The following NOS1 variants were observed in gnomAD, a reference collection of about 807,000 sequenced individuals.
The protein encoded by NOS1 is NOS type I.
In NOS1, 51 loss-of-function variants were observed where a neutral mutation model predicts 164.5. The ratio of observed to expected loss-of-function variants is 0.31; its 90% confidence interval spans 0.25 to 0.39. The LOEUF (loss-of-function observed/expected upper bound fraction) is 0.39. Ranked by LOEUF, NOS1 falls within the 10% of genes least tolerant of loss-of-function variation. NOS1 has a pLI of 1.00. For missense variants in NOS1, 1,362 were observed against 1,885.6 expected (o/e 0.72, Z 5.14); for synonymous variants, 719 against 745.8 (o/e 0.96, Z 0.59).
intron 24 of NOS1, 59 bp downstream of exon 24, chr12:117,226,624 T>A: frequency 6.6e-7 from 1 of 1,515,974 alleles, no homozygotes. Flanking sequence ...CTACCCCAAC[T>A]TGTGACGTCA....
Position 117,260,622 on chromosome 12 carries a change from G to T in NOS1, c.2223-13C>A, listed in dbSNP as rs748287103. 2 of 1,604,764 alleles carry T rather than the reference G, an allele frequency of 1.2e-6. No homozygotes were observed. Among genetic ancestry groups the T allele is most frequent in the African/African-American group, 2.7e-5 (2 of 74,860 alleles). On this transcript the variant is annotated splice_polypyrimidine_tract_variant and intron_variant, in intron 13 of 28. Coordinates refer to ENST00000317775, the MANE Select transcript of NOS1 (RefSeq NM_000620.5). Reference sequence around the variant, plus strand: ...GAACTTGACAGCTCTGGAGGGAAGAGGATGGAGATGAAAAATGGGCAACAG... The same window carrying T: ...GAACTTGACAGCTCTGGAGGGAAGATGATGGAGATGAAAAATGGGCAACAG...
chr12:117,285,176 G>T, intron 7 of NOS1, 65 bp downstream of exon 7: 1 of 1,107,286 alleles, frequency 9.0e-7, no homozygotes, highest in Non-Finnish European at 1.3e-6. Context: ...TGACTCCAGA[G>T]TCAAAGTACA....
At chr12:117,358,082 C>T (rs1448105623) in intron 1 of NOS1, among the ~76,000 whole-genome samples, 2 of 152,210 alleles carry the variant, frequency 1.3e-5, no homozygotes, top group Admixed American at 1.3e-4. Flanking sequence ...GAGTGACAGG[C>T]AACACATGAA....
At chr12:117,268,886 C>T (rs976633085) in intron 10 of NOS1, among the ~76,000 whole-genome samples, 7 of 152,144 alleles carry the variant, frequency 4.6e-5, no homozygotes, top group South Asian at 4.2e-4. Flanking sequence ...CGTGAGCCAC[C>T]GCGCCCAGCC....
intron 22 of NOS1, among the ~76,000 whole-genome samples, chr12:117,228,231 T>C (rs1868873664): frequency 6.6e-6 from 1 of 152,158 alleles, no homozygotes; most frequent in African/African-American, 2.4e-5. Flanking sequence ...TATTACTGTT[T>C]CCCCATTTTA....
At chr12:117,312,082 G>A (rs1213945943) in intron 2 of NOS1, among the ~76,000 whole-genome samples, 4 of 152,038 alleles carry the variant, frequency 2.6e-5, no homozygotes, top group Non-Finnish European at 5.9e-5. Context: ...TAAGACTTTC[G>A]GCTTTGAACA....
At chr12:117,217,943 C>G (rs1200672032) in intron 28 of NOS1, 103 bp downstream of exon 28, 1 of 809,276 alleles carries the variant, frequency 1.2e-6, no homozygotes, top group Non-Finnish European at 2.1e-6. Flanking sequence ...GCTGATGCTG[C>G]TGTTTTGGGG....
At chr12:117,273,895 A>AATGCTTCAGGAT (rs149160291) in intron 9 of NOS1, among the ~76,000 whole-genome samples, 51,620 of 151,842 alleles carry the variant, frequency 0.34, 8,947 homozygotes, top group Middle Eastern at 0.4. Context: ...ACATCAGGGA[A>AATGCTTCAGGAT]ATTGGTCTGG....
chr12:117,227,987 T>G lies in NOS1; in HGVS notation c.3406-346A>C, dbSNP rs565446931. 5.9e-5 allele frequency among the ~76,000 whole-genome samples: 9 copies of G among 151,344 alleles called. No homozygotes were observed. The East Asian group carries it at 1.4e-3, about 23-fold the overall frequency. On this transcript the variant is annotated intron_variant, in intron 22 of 28. Transcript: ENST00000317775. The stretch of plus-strand genomic sequence containing the variant: ...TTGAGGCTGCCATGAGCTATGATCA[T>G]GCCACTGCACTCCAGCCTGGGTGAC...
chr12:117,294,596 A>C (rs1353043810), intron 3 of NOS1, among the ~76,000 whole-genome samples: 1 of 152,114 alleles, frequency 6.6e-6, no homozygotes, highest in African/African-American at 2.4e-5. Context: ...AAACGGGGAG[A>C]TTAATATAGC....
chr12:117,234,566 T>C lies in NOS1; in HGVS notation c.3234A>G (p.Leu1078=), dbSNP rs78399557. The part of the protein sequence containing the change: ...VELLEERNTA[L]GVISNWTDEL... Reference sequence around the variant, plus strand: ...GGGAAGGGTCCCCGGGAATGTTACCTAAAGCCGTGTTCCGCTCCTCCAGCA... The same window carrying C: ...GGGAAGGGTCCCCGGGAATGTTACCCAAAGCCGTGTTCCGCTCCTCCAGCA... The change falls in exon 21 of 29, where the codon TTA becomes TTG. Residue 1078 remains leucine, a splice_region_variant and synonymous_variant. Coordinates refer to ENST00000317775, the MANE Select transcript of NOS1 (RefSeq NM_000620.5). This position sits in a 1 kb window ranked among gnomAD's most constrained non-coding sequence, Gnocchi z 4.3. 424 of 1,612,694 alleles carry C rather than the reference T, an allele frequency of 2.6e-4. No individual in the cohort carries two copies. The Middle Eastern group carries it at 2.8e-3, about 11-fold the overall frequency.
intron 2 of NOS1, among the ~76,000 whole-genome samples, chr12:117,319,037 A>G (rs1339663982): frequency 6.6e-6 from 1 of 152,136 alleles, no homozygotes; most frequent in Non-Finnish European, 1.5e-5. Context: ...GAGGAGTGGG[A>G]AGTTCTTGTT....
chr12:117,322,306 TCTGTC>T (rs771383477), intron 2 of NOS1, among the ~76,000 whole-genome samples: 4 of 95,114 alleles, frequency 4.2e-5, no homozygotes, highest in Non-Finnish European at 6.5e-5. Context: ...CTTCCCTCCC[TCTGTC>T]CCTCCTCTTC....
chr12:117,311,703 A>C, intron 2 of NOS1, 111 bp from the exon 3 acceptor site: 1 of 1,190,102 alleles, frequency 8.4e-7, no homozygotes, highest in Non-Finnish European at 1.1e-6. Flanking sequence ...CACTCACATA[A>C]CTCCATATGA....
At chr12:117,216,882 GA>G (rs554824038) in intron 28 of NOS1, among the ~76,000 whole-genome samples, 4 of 152,158 alleles carry the variant, frequency 2.6e-5, no homozygotes, top group Non-Finnish European at 5.9e-5. Context: ...ATCGTAAGGG[GA>G]AAACAAAGAA....
In NOS1 at chr12:117,290,383, G is replaced by C; in HGVS notation, c.896C>G (p.Pro299Arg). 1 of 1,613,822 alleles carries C rather than the reference G, an allele frequency of 6.2e-7. No homozygotes were observed. The highest frequency in any genetic ancestry group is 8.5e-7 in the Non-Finnish European group (1 of 1,179,860). Reference sequence around the variant, plus strand: ...CTTGAGGAAGCGTGGACACTTGGAGGGGCTGCCATTCTTTGTGGGGGACTG... The same window carrying C: ...CTTGAGGAAGCGTGGACACTTGGAGCGGCTGCCATTCTTTGTGGGGGACTG... Reference protein sequence around the residue: ...GKQSPTKNGSPSKCPRFLKVK... With the variant: ...GKQSPTKNGSRSKCPRFLKVK... Residue 299 changes from proline to arginine, a missense_variant, in exon 4 of 29, where the codon CCC becomes CGC. By Grantham distance (103) the Pro-to-Arg change is moderately radical. Coordinates refer to ENST00000317775, the MANE Select transcript of NOS1 (RefSeq NM_000620.5).
rs1037690647 is a variant in NOS1 at position 117,331,340 on chromosome 12, C to T, written c.-271G>A. 30 of 460,994 alleles carry T rather than the reference C, an allele frequency of 6.5e-5. No homozygotes were observed. Among genetic ancestry groups the T allele is most frequent in the East Asian group, 2.9e-4 (8 of 27,550 alleles). The allele number at this position is 460,994 out of a possible 1,614,324, so 28.6% of individuals were successfully genotyped here. On this transcript the variant is annotated 5_prime_UTR_variant, in exon 2 of 29. Coordinates refer to ENST00000317775, the MANE Select transcript of NOS1 (RefSeq NM_000620.5). ...TTGACCAGGCAGACGTCAAGAGAGG[C>T]GGTGGGACGTGTCCCTAAGGTCAGG...
At chr12:117,271,813 T>C (rs925989099) in intron 10 of NOS1, among the ~76,000 whole-genome samples, 1 of 152,220 alleles carries the variant, frequency 6.6e-6, no homozygotes, top group Non-Finnish European at 1.5e-5. Flanking sequence ...CAGCACTTTT[T>C]AGTAGATACG....
In NOS1 at chr12:117,272,321, G is replaced by T; in HGVS notation, c.1839+64C>A. The T allele has an allele frequency of 6.4e-7, 1 of 1,571,386 alleles. No individual in the cohort carries two copies. The highest frequency in any genetic ancestry group is 2.2e-5 in the East Asian group (1 of 44,674). Reference sequence around the variant, plus strand: ...CCACCAAGCTCGCCGTGGGGAAGGGGACTGCTGAGCTGGCACCCTCTGCTA... The same window carrying T: ...CCACCAAGCTCGCCGTGGGGAAGGGTACTGCTGAGCTGGCACCCTCTGCTA... On this transcript the variant is annotated intron_variant, in intron 10 of 28. Coordinates refer to ENST00000317775, the MANE Select transcript of NOS1 (RefSeq NM_000620.5). This position sits in a 1 kb window ranked among gnomAD's most constrained non-coding sequence, Gnocchi z 4.3.
Sources: allele counts gnomAD v4.1 joint callset (sites outside exome capture counted in the v4.1 genomes callset), GRCh38; gene constraint gnomAD v4.1.1; non-coding constraint Gnocchi (gnomAD v3.1); transcripts MANE v1.5; gene names NCBI Gene and HGNC (gene_info 2026-07-23, HGNC 2026-07-21).